PDIA5: variants seen among roughly 807,000 people sequenced by gnomAD.
The protein encoded by PDIA5 is protein disulfide-isomerase A5.
PDIA5 carries 58 observed loss-of-function variants against 77.6 expected under a neutral mutation model. The observed-to-expected ratio is 0.75, with a 90% CI of 0.61 to 0.93. The LOEUF is 0.93. Among genes scored for constraint, PDIA5 ranks in the 40% least tolerant of loss-of-function variants. PDIA5 has a pLI of 0.00. For missense variants in PDIA5, 630 were observed against 647.7 expected (o/e 0.97, Z 0.30); for synonymous variants, 250 against 252.1 (o/e 0.99, Z 0.08).
intron 6 of PDIA5, among the ~76,000 whole-genome samples, chr3:123,108,615 C>T (rs1934792614): frequency 8.5e-4 from 1 of 1,170 alleles, no homozygotes; most frequent in South Asian, 0.062. Context: ...GTGGGCCCGG[C>T]ACTGGCTCAC....
At chr3:123,109,703 A>G (rs1934818440) in intron 6 of PDIA5, among the ~76,000 whole-genome samples, 1 of 152,176 alleles carries the variant, frequency 6.6e-6, no homozygotes, top group Admixed American at 6.5e-5. Flanking sequence ...GAAAAAAAAA[A>G]TCACCTCATA....
rs764148352 is a variant in PDIA5, at chr3:123,089,203, C to T, written c.78C>T (p.Val26=). ...CATCATGGCTGTCCTCTGCAAAGGT[C>T]TCCTCGCTCATTGAGAGAATCTCTG... ...VLPSWLSSAK[V]SSLIERISDP... The change falls in exon 2 of 17, where the codon GTC becomes GTT. Residue 26 remains valine, a synonymous_variant. Transcript: ENST00000316218. 3 of 1,613,968 alleles carry T rather than the reference C, an allele frequency of 1.9e-6. No homozygotes were observed. Among genetic ancestry groups the T allele is most frequent in the Non-Finnish European group, 2.5e-6 (3 of 1,179,798 alleles).
At chr3:123,097,237 C>T (rs778116935) in intron 3 of PDIA5, among the ~76,000 whole-genome samples, 11 of 152,200 alleles carry the variant, frequency 7.2e-5, no homozygotes, top group Non-Finnish European at 1.6e-4. Context: ...GAAGAACTGT[C>T]GTGTTTATCT....
intron 3 of PDIA5, among the ~76,000 whole-genome samples, chr3:123,093,500 C>G (rs1934351192): frequency 6.6e-6 from 1 of 152,178 alleles, no homozygotes; most frequent in Admixed American, 6.5e-5. Flanking sequence ...GACAGCAGTT[C>G]TGCCAAGCTG....
chr3:123,152,873 A>G (rs899669361), intron 14 of PDIA5, among the ~76,000 whole-genome samples: 3 of 151,890 alleles, frequency 2.0e-5, no homozygotes, highest in African/African-American at 7.3e-5. Flanking sequence ...CGGAGTCTCT[A>G]GAACTGCAAT....
rs1560485439 is a variant in PDIA5 at position 123,067,088 on chromosome 3, G to A, written c.-77G>A. 8 of 1,172,952 alleles carry A rather than the reference G, an allele frequency of 6.8e-6. No individual in the cohort carries two copies. Among genetic ancestry groups the A allele is most frequent in the Admixed American group, 4.2e-5 (1 of 23,654 alleles). 72.7% of individuals were successfully genotyped at this position (1,172,952 alleles called of 1,614,324 possible). A position where few individuals can be genotyped will look rare whatever the true frequency, so the allele number is the denominator to read the frequency against. On this transcript the variant is annotated 5_prime_UTR_variant, in exon 1 of 17. Transcript: ENST00000316218. ...GGAAGTGGCCGTGGTGGTTGGCCGCGGTGGAGCTAGCAGGCGGGCGGGCGG... is the reference window on the plus strand; with the variant it reads ...GGAAGTGGCCGTGGTGGTTGGCCGCAGTGGAGCTAGCAGGCGGGCGGGCGG...
intron 11 of PDIA5, among the ~76,000 whole-genome samples, chr3:123,137,852 A>C (rs530376089): frequency 6.6e-6 from 1 of 152,258 alleles, no homozygotes; most frequent in East Asian, 1.9e-4. Flanking sequence ...CTCCCTTAGG[A>C]TATTAAAATA....
intron 2 of PDIA5, among the ~76,000 whole-genome samples, chr3:123,089,870 C>T (rs375654398): frequency 6.6e-6 from 1 of 152,248 alleles, no homozygotes; most frequent in Non-Finnish European, 1.5e-5. Context: ...GCCTGCCTCT[C>T]TTCTGACCTT....
chr3:123,161,578 A>G, intron 16 of PDIA5, 123 bp downstream of exon 16: 2 of 1,092,146 alleles, frequency 1.8e-6, no homozygotes, highest in Middle Eastern at 2.2e-4. Flanking sequence ...GGAACACTGC[A>G]CCGAGAGGCC....
chr3:123,132,593 C>T (rs1445567480), intron 11 of PDIA5, among the ~76,000 whole-genome samples: 1 of 152,192 alleles, frequency 6.6e-6, no homozygotes, highest in Non-Finnish European at 1.5e-5. Context: ...GAGGGCATCC[C>T]CGAGGGTAAA....
intron 11 of PDIA5, among the ~76,000 whole-genome samples, chr3:123,142,748 C>T (rs1483539668): frequency 6.6e-6 from 1 of 152,206 alleles, no homozygotes; most frequent in Non-Finnish European, 1.5e-5. Flanking sequence ...CAGAGGAGCC[C>T]TTAGGAGCAC....
intron 10 of PDIA5, among the ~76,000 whole-genome samples, chr3:123,127,765 T>A (rs1410587772): frequency 6.6e-6 from 1 of 152,264 alleles, no homozygotes; most frequent in Non-Finnish European, 1.5e-5. Context: ...TGATAGCCAC[T>A]GTGCTCTCTT....
intron 11 of PDIA5, among the ~76,000 whole-genome samples, chr3:123,139,837 G>A (rs921367205): frequency 1.6e-4 from 25 of 152,304 alleles, no homozygotes; most frequent in African/African-American, 5.3e-4. Flanking sequence ...GTGGAGCAGC[G>A]TGGTCAGTAT....
At chr3:123,092,509 G>A in intron 3 of PDIA5, 67 bp downstream of exon 3, 4 of 1,125,230 alleles carry the variant, frequency 3.6e-6, no homozygotes, top group South Asian at 2.5e-5. Context: ...TTGATTGGTG[G>A]GGACAGGAAC....
At chr3:123,154,840 C>T in intron 14 of PDIA5, 131 bp from the exon 15 acceptor site, 1 of 707,038 alleles carries the variant, frequency 1.4e-6, no homozygotes, top group Admixed American at 2.0e-5. Flanking sequence ...GACAAAAGGA[C>T]CCTGACAGTG....
At chr3:123,073,188 T>A (rs981864588) in intron 1 of PDIA5, among the ~76,000 whole-genome samples, 1 of 152,158 alleles carries the variant, frequency 6.6e-6, no homozygotes, top group Non-Finnish European at 1.5e-5. Flanking sequence ...TTGAGCCCCA[T>A]GTAACTTGGT....
intron 1 of PDIA5, among the ~76,000 whole-genome samples, chr3:123,074,795 GTGA>G (rs1933807985): frequency 7.9e-5 from 12 of 152,304 alleles, no homozygotes; most frequent in Admixed American, 2.0e-4. Context: ...TTAGAGGTTA[GTGA>G]AGATAAAGAT....
chr3:123,106,620 A>G (rs1934739520), intron 5 of PDIA5, 129 bp from the exon 6 acceptor site: 2 of 683,316 alleles, frequency 2.9e-6, no homozygotes, highest in South Asian at 3.3e-5. Flanking sequence ...CTTATGCCAC[A>G]TGCAGTCCTG....
At chr3:123,144,525 A>C (rs975317354) in intron 11 of PDIA5, 1 of 152,228 alleles carries the variant, frequency 6.6e-6, no homozygotes, top group African/African-American at 2.4e-5. Context: ...AAAGTGCTTA[A>C]TTTCTTTTTA....
Sources: allele counts gnomAD v4.1 joint callset (sites outside exome capture counted in the v4.1 genomes callset), GRCh38; gene constraint gnomAD v4.1.1; transcripts MANE v1.5; gene names NCBI Gene and HGNC (gene_info 2026-07-23, HGNC 2026-07-21).